SNRNP70: variants seen among roughly 807,000 people sequenced by gnomAD.
The protein encoded by SNRNP70 is U1 small nuclear ribonucleoprotein 70 kDa.
In SNRNP70, 8 loss-of-function variants were observed where a neutral mutation model predicts 50.5. That is an observed-to-expected ratio of 0.16 (90% CI 0.09 to 0.29). The LOEUF is 0.29. Ranked by LOEUF, SNRNP70 falls within the 10% of genes least tolerant of loss-of-function variation. SNRNP70 has a pLI of 1.00. For missense variants in SNRNP70, 529 were observed against 663.5 expected, an observed-to-expected ratio of 0.80 and a Z score of 2.23; for synonymous variants, 320 against 252.9, an observed-to-expected ratio of 1.27 and a Z score of -2.52.
Position 49,090,377 on chromosome 19 carries a change from C to T in SNRNP70, c.210+24C>T, listed in dbSNP as rs374604976. ...AAGTATGTCATTTTTGCTTCCTGAC[C>T]CCCTGTTTTACCACTGTCTCCAGAT... On this transcript the variant is annotated intron_variant, in intron 3 of 9. Coordinates refer to ENST00000598441, the MANE Select transcript of SNRNP70 (RefSeq NM_003089.6). 14 of 1,613,674 alleles carry T rather than the reference C, an allele frequency of 8.7e-6. No homozygotes were observed. The African/African-American group carries it at 1.1e-4, about 12-fold the overall frequency.
intron 7 of SNRNP70, chr19:49,102,437 A>C: frequency 7.1e-6 from 2 of 281,148 alleles, no homozygotes; most frequent in Non-Finnish European, 1.5e-5. Context: ...CTTGGGTTCC[A>C]CCCAGCCTCT....
At position 49,108,451 on chromosome 19, in the gene SNRNP70, G is replaced by C. The variant is rs753641190; in HGVS notation, c.*8G>C. 1.7e-5 allele frequency: 27 copies of C among 1,587,770 alleles called. No individual in the cohort carries two copies. In the Admixed American group the frequency reaches 3.7e-4, roughly 22 times the overall value. On this transcript the variant is annotated 3_prime_UTR_variant, in exon 10 of 10. Transcript: ENST00000598441. Reference sequence around the variant, plus strand: ...GAGGCTGCGCCGGAGTGAAGAGGTCGTCCTCTCCATCTGCTGTGTTTGGAC... The same window carrying C: ...GAGGCTGCGCCGGAGTGAAGAGGTCCTCCTCTCCATCTGCTGTGTTTGGAC...
At chr19:49,091,881 A>G (rs1022328947) in intron 4 of SNRNP70, among the ~76,000 whole-genome samples, 6 of 152,068 alleles carry the variant, frequency 3.9e-5, no homozygotes. Flanking sequence ...TCTCTGGGAC[A>G]TAGACATTCA....
In SNRNP70 at chr19:49,107,728, C is replaced by T. The variant is rs745659524; in HGVS notation, c.665+16C>T. 5.0e-6 allele frequency: 8 copies of T among 1,613,614 alleles called. No individual in the cohort carries two copies. The highest frequency in any genetic ancestry group is 3.3e-5 in the South Asian group (3 of 91,038). ...ACGATGAGAGGTAAGATTGGGCGAC[C>T]GGTGTCCTGGGGTGGGGGGCGGTCA... On this transcript the variant is annotated intron_variant, in intron 9 of 9. Coordinates refer to ENST00000598441, the MANE Select transcript of SNRNP70 (RefSeq NM_003089.6). This position sits in a 1 kb window ranked among gnomAD's most constrained non-coding sequence, Gnocchi z 6.0.
chr19:49,108,177 C>T lies in SNRNP70; in HGVS notation c.1048C>T (p.Arg350Cys), dbSNP rs902361478. The stretch of plus-strand genomic sequence containing the variant: ...CGGTCCAGAGGAAAAGGGCCGGGAT[C>T]GTGACCGGGAGCGACGGCGGAGCCA... Reference protein sequence around the residue: ...PDGPEEKGRDRDRERRRSHRS... With the variant: ...PDGPEEKGRDCDRERRRSHRS... Residue 350 changes from arginine (R) to cysteine (C), a missense_variant, in exon 10 of 10, where the codon CGT becomes TGT. Arg to Cys is a radical substitution (Grantham distance 180, BLOSUM62 -3). Around this residue, in one of 4 missense-constraint regions of SNRNP70, gnomAD observed 327 missense variants for 308.8 expected, o/e 1.06. Transcript: ENST00000598441. 6 of 1,539,020 alleles carry T rather than the reference C, an allele frequency of 3.9e-6. No individual in the cohort carries two copies. Among genetic ancestry groups the T allele is most frequent in the East Asian group, 2.4e-5 (1 of 41,274 alleles).
intron 1 of SNRNP70, 101 bp downstream of exon 1, chr19:49,085,737 C>T (rs923904706): frequency 1.1e-5 from 5 of 434,844 alleles, no homozygotes; most frequent in African/African-American, 1.0e-4. Flanking sequence ...GCCCCTTTCC[C>T]GCGTCCCCGC....
At chr19:49,097,216 G>A (rs1018629806) in intron 4 of SNRNP70, among the ~76,000 whole-genome samples, 2 of 152,140 alleles carry the variant, frequency 1.3e-5, no homozygotes, top group Non-Finnish European at 2.9e-5. Context: ...CCGAGGGTTC[G>A]GGGAAGGAGC....
At chr19:49,097,480 G>A (rs1026045101) in intron 4 of SNRNP70, among the ~76,000 whole-genome samples, 4 of 152,086 alleles carry the variant, frequency 2.6e-5, no homozygotes, top group African/African-American at 9.7e-5. Flanking sequence ...TCATCACCAG[G>A]GTCTGATTTT....
intron 2 of SNRNP70, chr19:49,087,543 G>A (rs1229269328): frequency 6.6e-6 from 1 of 152,142 alleles, no homozygotes; most frequent in Non-Finnish European, 1.5e-5. Flanking sequence ...CTGCAGATGG[G>A]GATCTTAGCT....
At chr19:49,089,435 C>T (rs2040421122) in intron 2 of SNRNP70, among the ~76,000 whole-genome samples, 1 of 151,672 alleles carries the variant, frequency 6.6e-6, no homozygotes, top group Non-Finnish European at 1.5e-5. Flanking sequence ...CCAGATCGCG[C>T]CATTGCACAC....
rs1600291003 is a variant in SNRNP70, at chr19:49,104,378, T to G, written c.476-256T>G. ...AGGAAGGGCCGGGGAGCCTAGGGGG[T>G]GGCGGGTGAGGGTGGACGTCTCCCC... On this transcript the variant is annotated intron_variant, in intron 7 of 9. Transcript: ENST00000598441. The surrounding 1 kb of genome is among the most constrained non-coding windows in gnomAD (Gnocchi z 5.4). 1 of 450,194 alleles carries G rather than the reference T, an allele frequency of 2.2e-6. No individual in the cohort carries two copies. Among genetic ancestry groups the G allele is most frequent in the Non-Finnish European group, 4.0e-6 (1 of 249,520 alleles). 27.9% of individuals were successfully genotyped at this position (450,194 alleles called of 1,614,324 possible).
chr19:49,089,969 C>T (rs1458970951), intron 2 of SNRNP70, among the ~76,000 whole-genome samples: 1 of 152,010 alleles, frequency 6.6e-6, no homozygotes, highest in Admixed American at 6.6e-5. Flanking sequence ...GCCTTTACAC[C>T]TGGCTAATTT....
rs191626897 is a variant in SNRNP70, at chr19:49,104,945, G to A, written c.577+210G>A. ...GTTACTGTGAGGAGCAGGGGCACCA[G>A]CCTGGAGAGGCCTGAGCCCACATGC... On this transcript the variant is annotated intron_variant, in intron 8 of 9. Transcript: ENST00000598441. The surrounding 1 kb of genome is among the most constrained non-coding windows in gnomAD (Gnocchi z 5.4). Among the ~76,000 whole-genome samples the A allele has an allele frequency of 1.3e-3, 197 of 152,320 alleles. 2 individuals are homozygous for A. Among genetic ancestry groups the A allele is most frequent in the African/African-American group, 4.4e-3 (181 of 41,568 alleles).
chr19:49,093,101 T>A (rs2040468387), intron 4 of SNRNP70, among the ~76,000 whole-genome samples: 1 of 151,458 alleles, frequency 6.6e-6, no homozygotes, highest in South Asian at 2.1e-4. Flanking sequence ...TCATTTTTTG[T>A]TTTTTGTTTT....
chr19:49,106,644 CG>C (rs2040672927), intron 8 of SNRNP70, among the ~76,000 whole-genome samples: 1 of 152,158 alleles, frequency 6.6e-6, no homozygotes, highest in Non-Finnish European at 1.5e-5. Context: ...GATAGAGGAG[CG>C]CTTGAGAAGG....
intron 4 of SNRNP70, among the ~76,000 whole-genome samples, chr19:49,094,041 G>T (rs1307469870): frequency 1.3e-5 from 2 of 152,040 alleles, no homozygotes; most frequent in African/African-American, 2.4e-5. Context: ...AAACAAGTAA[G>T]TTCCAATTGG....
chr19:49,090,392 T>A (rs1203767662), intron 3 of SNRNP70, 39 bp downstream of exon 3: 32 of 1,612,956 alleles, frequency 2.0e-5, no homozygotes, highest in Non-Finnish European at 2.5e-5. Flanking sequence ...GTTTTACCAC[T>A]GTCTCCAGAT....
intron 4 of SNRNP70, among the ~76,000 whole-genome samples, chr19:49,094,616 C>T (rs1600278044): frequency 6.6e-6 from 1 of 152,272 alleles, no homozygotes; most frequent in South Asian, 2.1e-4. Context: ...AATGCTTGAA[C>T]TTCTCCATAA....
At chr19:49,087,621 A>G (rs2040398185) in intron 2 of SNRNP70, 1 of 152,192 alleles carries the variant, frequency 6.6e-6, no homozygotes, top group Non-Finnish European at 1.5e-5. Flanking sequence ...TATTTGTGAA[A>G]TGGGATGACA....
Sources: gnomAD v4.1 joint callset for allele counts (sites outside exome capture counted in the v4.1 genomes callset) on GRCh38, gnomAD v4.1.1 for gene constraint, gnomAD v4.1.1 regional missense constraint, Gnocchi (gnomAD v3.1) non-coding constraint, MANE v1.5 for transcripts, NCBI Gene and HGNC (gene_info 2026-07-23, HGNC 2026-07-21) for gene names.